INO80D: variants seen among roughly 807,000 people sequenced by gnomAD.
INO80D encodes the protein INO80 complex subunit D.
In INO80D, 21 loss-of-function variants were observed where a neutral mutation model predicts 87.6. The observed-to-expected ratio is 0.24, with a 90% CI of 0.17 to 0.35. INO80D has a LOEUF of 0.35. Ranked by LOEUF, INO80D falls within the 10% of genes least tolerant of loss-of-function variation. The pLI is 1.00. For missense variants in INO80D, 982 were observed against 1,280.7 expected (o/e 0.77, Z 3.56); for synonymous variants, 440 against 491.0 (o/e 0.90, Z 1.37).
chr2:205,996,153 C>T lies in INO80D; in HGVS notation c.*8215G>A, dbSNP rs1276061085. 4.0e-5 allele frequency: 6 copies of T among 151,814 alleles called. No individual in the cohort carries two copies. Among genetic ancestry groups the T allele is most frequent in the Non-Finnish European group, 8.8e-5 (6 of 67,906 alleles). 9.4% of individuals were successfully genotyped at this position (151,814 alleles called of 1,614,324 possible). A position where few individuals can be genotyped will look rare whatever the true frequency, so the allele number is the denominator to read the frequency against. ...TGTTTTTGAGACAAAGATGAATGCC[C>T]AAGTCTCAAAATTCCTATTGATAAT... On this transcript the variant is annotated 3_prime_UTR_variant, in exon 11 of 11. Transcript: ENST00000403263.
In INO80D at chr2:206,013,031, C is replaced by G. The variant is rs192853437; in HGVS notation, c.1543-3237G>C. Among the ~76,000 whole-genome samples the G allele has an allele frequency of 5.7e-4, 87 of 151,802 alleles. 3 individuals are homozygous for G. Among genetic ancestry groups the G allele is most frequent in the Admixed American group, 5.7e-3 (87 of 15,254 alleles). On this transcript the variant is annotated intron_variant, in intron 8 of 10. Coordinates refer to ENST00000403263, the MANE Select transcript of INO80D (RefSeq NM_017759.5). The stretch of plus-strand genomic sequence containing the variant: ...AGCTCAAACTACTGCCAGATTCTAA[C>G]TGTCTTCAGAGAGAAAACCATTTTC...
intron 6 of INO80D, 26 bp from the exon 7 acceptor site, chr2:206,019,871 A>AT (rs11366043): frequency 5.9e-4 from 896 of 1,524,502 alleles, no homozygotes; most frequent in South Asian, 7.5e-4. Context: ...CAGAGAATTA[A>AT]TTTTTTTTTA....
At position 206,000,712 on chromosome 2, in the gene INO80D, G is replaced by A. The variant is rs1687894668; in HGVS notation, c.*3656C>T. 1 of 152,012 alleles carries A rather than the reference G, an allele frequency of 6.6e-6. No homozygotes were observed. The highest frequency in any genetic ancestry group is 1.5e-5 in the Non-Finnish European group (1 of 68,010). The allele number at this position is 152,012 out of a possible 1,614,324, so 9.4% of individuals were successfully genotyped here. A position where few individuals can be genotyped will look rare whatever the true frequency, so the allele number is the denominator to read the frequency against. ...GATTCTTAACTGCAGGTGAGAGATTGGGCTTATTTAAAAATAAATCTTATA... is the reference window on the plus strand; with the variant it reads ...GATTCTTAACTGCAGGTGAGAGATTAGGCTTATTTAAAAATAAATCTTATA... On this transcript the variant is annotated 3_prime_UTR_variant, in exon 11 of 11. Coordinates refer to ENST00000403263, the MANE Select transcript of INO80D (RefSeq NM_017759.5).
chr2:206,063,099 G>A, intron 2 of INO80D, 52 bp downstream of exon 2: 1 of 937,702 alleles, frequency 1.1e-6, no homozygotes, highest in Non-Finnish European at 1.6e-6. Context: ...AGAGTATAAG[G>A]CAGATTTAAG....
chr2:206,040,206 T>C (rs574059200), intron 5 of INO80D, among the ~76,000 whole-genome samples: 77 of 150,912 alleles, frequency 5.1e-4, no homozygotes, highest in African/African-American at 1.8e-3. Context: ...CACAGGAGAA[T>C]TGCTTGAACT....
In INO80D at chr2:206,001,057, C is replaced by CT. The variant is rs1435582023; in HGVS notation, c.*3310dup. On this transcript the variant is annotated 3_prime_UTR_variant, in exon 11 of 11. Transcript: ENST00000403263. ...AATTTTTCCATTGCATAGTCTGTCA[C>CT]TTGGTGGGTTAAGTATAATTGCTAC... The CT allele has an allele frequency of 1.3e-5, 2 of 152,134 alleles. No individual in the cohort carries two copies. Among genetic ancestry groups the CT allele is most frequent in the African/African-American group, 2.4e-5 (1 of 41,438 alleles). The allele number at this position is 152,134 out of a possible 1,614,324, so 9.4% of individuals were successfully genotyped here.
At position 205,999,535 on chromosome 2, in the gene INO80D, T is replaced by A. The variant is rs968388840; in HGVS notation, c.*4833A>T. 1 of 151,134 alleles carries A rather than the reference T, an allele frequency of 6.6e-6. No homozygotes were observed. Among genetic ancestry groups the A allele is most frequent in the Non-Finnish European group, 1.5e-5 (1 of 67,704 alleles). The allele number at this position is 151,134 out of a possible 1,614,324, so 9.4% of individuals were successfully genotyped here. A position where few individuals can be genotyped will look rare whatever the true frequency, so the allele number is the denominator to read the frequency against. On this transcript the variant is annotated 3_prime_UTR_variant, in exon 11 of 11. Coordinates refer to ENST00000403263, the MANE Select transcript of INO80D (RefSeq NM_017759.5). Reference sequence around the variant, plus strand: ...CACATTTCCTCTTATTAGCTCTGTATCACAGTGCAGAGAAAAACTAACAAA... The same window carrying A: ...CACATTTCCTCTTATTAGCTCTGTAACACAGTGCAGAGAAAAACTAACAAA...
intron 6 of INO80D, among the ~76,000 whole-genome samples, chr2:206,020,605 A>T (rs866598692): frequency 6.6e-6 from 1 of 152,042 alleles, no homozygotes; most frequent in South Asian, 2.1e-4. Context: ...TCATTATTTA[A>T]ATTTTTTTTT....
rs35689223 is a variant in INO80D, at chr2:206,039,810, C to CA, written c.1073+6693dup. 5.2e-3 allele frequency among the ~76,000 whole-genome samples: 528 copies of CA among 100,974 alleles called. 6 individuals are homozygous for CA. The highest frequency in any genetic ancestry group is 0.017 in the African/African-American group (430 of 24,772). The allele number at this position is 100,974 out of a possible 152,430, so 66.2% of individuals were successfully genotyped here. A position where few individuals can be genotyped will look rare whatever the true frequency, so the allele number is the denominator to read the frequency against. On this transcript the variant is annotated intron_variant, in intron 5 of 10. Coordinates refer to ENST00000403263, the MANE Select transcript of INO80D (RefSeq NM_017759.5). ...GGGCAACAGAGTGAGCCTCTGTCTC[C>CA]AAAAAAAAAAAAAAAAAAGAAAGAA...
intron 1 of INO80D, among the ~76,000 whole-genome samples, chr2:206,067,708 C>G (rs1190894588): frequency 6.6e-6 from 1 of 152,096 alleles, no homozygotes; most frequent in Non-Finnish European, 1.5e-5. Context: ...TCATTTTTCA[C>G]CATCTTTTCT....
rs907236115 is a variant in INO80D, at chr2:206,002,566, G to A, written c.*1802C>T. 5.3e-5 allele frequency: 8 copies of A among 152,156 alleles called. No homozygotes were observed. Among genetic ancestry groups the A allele is most frequent in the Non-Finnish European group, 7.4e-5 (5 of 68,026 alleles). 9.4% of individuals were successfully genotyped at this position (152,156 alleles called of 1,614,324 possible). ...GCATATAATGATTTCATACAGTCAT[G>A]TGACATTTCCCCTCCATAACCTCAG... is the stretch of plus-strand genomic sequence containing the variant. On this transcript the variant is annotated 3_prime_UTR_variant, in exon 11 of 11. Coordinates refer to ENST00000403263, the MANE Select transcript of INO80D (RefSeq NM_017759.5).
chr2:206,074,387 G>C (rs1690054660), intron 1 of INO80D, among the ~76,000 whole-genome samples: 1 of 152,200 alleles, frequency 6.6e-6, no homozygotes, highest in Admixed American at 6.5e-5. Context: ...GCCAAGACAG[G>C]CGGATCACCT....
At position 206,005,025 on chromosome 2, in the gene INO80D, T is replaced by C. The variant is rs767077108; in HGVS notation, c.2427A>G (p.Leu809=). ...TGCTGTATTGCTGTCGTGAGGTGAT[T>C]AGGTCATCTGCCTTGCTCAGCAGCT... ...PAQLLSKADD[L]ITSRQQYSSD... Residue 809 remains leucine, a synonymous_variant, in exon 11 of 11, where the codon CTA becomes CTG. Coordinates refer to ENST00000403263, the MANE Select transcript of INO80D (RefSeq NM_017759.5). 8.1e-6 allele frequency: 13 copies of C among 1,613,796 alleles called. No individual in the cohort carries two copies. The East Asian group carries it at 2.9e-4, about 36-fold the overall frequency.
intron 1 of INO80D, among the ~76,000 whole-genome samples, chr2:206,081,999 A>C (rs1690299077): frequency 6.6e-6 from 1 of 152,184 alleles, no homozygotes; most frequent in Non-Finnish European, 1.5e-5. Context: ...GTCATGCTAC[A>C]AATAAAATTT....
chr2:206,083,733 A>T (rs1690347699), intron 1 of INO80D, among the ~76,000 whole-genome samples: 1 of 152,062 alleles, frequency 6.6e-6, no homozygotes, highest in Non-Finnish European at 1.5e-5. Context: ...TGCAAGTGGT[A>T]GCTTTTCACT....
chr2:206,034,481 A>G (rs1178368415), intron 5 of INO80D, among the ~76,000 whole-genome samples: 1 of 152,216 alleles, frequency 6.6e-6, no homozygotes, highest in Non-Finnish European at 1.5e-5. Context: ...AAACAGAATC[A>G]AAAATAAAAA....
chr2:206,046,071 G>A (rs1194656599), intron 5 of INO80D, among the ~76,000 whole-genome samples: 1 of 152,098 alleles, frequency 6.6e-6, no homozygotes, highest in East Asian at 1.9e-4. Context: ...AAACGATATA[G>A]TACATTTACA....
chr2:206,041,015 G>T (rs2105855416), intron 5 of INO80D, among the ~76,000 whole-genome samples: 1 of 152,268 alleles, frequency 6.6e-6, no homozygotes, highest in African/African-American at 2.4e-5. Flanking sequence ...GCGTGAAGTG[G>T]TTTAACACTT....
intron 4 of INO80D, among the ~76,000 whole-genome samples, chr2:206,052,028 A>G (rs1689383462): frequency 6.6e-6 from 1 of 152,176 alleles, no homozygotes; most frequent in South Asian, 2.1e-4. Context: ...AAGATTATTT[A>G]TTTTTATTAA....
Sources: gnomAD v4.1 joint callset for allele counts (sites outside exome capture counted in the v4.1 genomes callset) on GRCh38, gnomAD v4.1.1 for gene constraint, MANE v1.5 for transcripts, NCBI Gene and HGNC (gene_info 2026-07-23, HGNC 2026-07-21) for gene names.